The following MFHAS1 variants were observed in gnomAD, a reference collection of about 807,000 sequenced individuals.
MFHAS1 encodes the protein malignant fibrous histiocytoma-amplified sequence 1.
MFHAS1 carries 50 observed loss-of-function variants against 70.4 expected under a neutral mutation model. The observed-to-expected ratio is 0.71, with a 90% CI of 0.57 to 0.90. The LOEUF is 0.90. Ranked by LOEUF, MFHAS1 falls within the 40% of genes least tolerant of loss-of-function variation. MFHAS1 has a pLI of 0.00. For missense variants in MFHAS1, 1,795 were observed against 1,347.6 expected (o/e 1.33, Z -5.20); for synonymous variants, 952 against 620.0 (o/e 1.54, Z -7.96).
chr8:8,871,551 A>T (rs1383305577), intron 1 of MFHAS1, among the ~76,000 whole-genome samples: 1 of 152,202 alleles, frequency 6.6e-6, no homozygotes, highest in African/African-American at 2.4e-5. Flanking sequence ...ACAAACACGC[A>T]AACAAAGAAA....
intron 1 of MFHAS1, among the ~76,000 whole-genome samples, chr8:8,861,717 A>AC (rs1274554671): frequency 6.6e-6 from 1 of 152,168 alleles, no homozygotes; most frequent in Non-Finnish European, 1.5e-5. Flanking sequence ...GTTCTCTTGT[A>AC]CCCCTCTGCA....
intron 2 of MFHAS1, among the ~76,000 whole-genome samples, chr8:8,793,122 C>T (rs1215542983): frequency 1.3e-5 from 2 of 151,996 alleles, no homozygotes; most frequent in Admixed American, 1.3e-4. Context: ...CTGGTGGAGA[C>T]CTCAACCACC....
At position 8,786,004 on chromosome 8, in the gene MFHAS1, A is replaced by C. The variant is rs770432854; in HGVS notation, c.*18T>G. 9.9e-6 allele frequency: 16 copies of C among 1,613,982 alleles called. No individual in the cohort carries two copies. In the East Asian group the frequency reaches 3.6e-4, roughly 36 times the overall value. ...CAGATGCTCTCTTTTCTCCATGGAA[A>C]TTCCACAGCCACAAACGTCACTGGT... On this transcript the variant is annotated 3_prime_UTR_variant, in exon 3 of 3. Transcript: ENST00000276282.
At chr8:8,859,412 C>A (rs543180246) in intron 1 of MFHAS1, among the ~76,000 whole-genome samples, 22 of 152,322 alleles carry the variant, frequency 1.4e-4, no homozygotes, top group Middle Eastern at 3.4e-3. Context: ...TTCTCATACA[C>A]TAAGATACTT....
At chr8:8,835,134 T>C (rs928093779) in intron 1 of MFHAS1, among the ~76,000 whole-genome samples, 1 of 151,894 alleles carries the variant, frequency 6.6e-6, no homozygotes, top group Non-Finnish European at 1.5e-5. Context: ...AGCAGATGAG[T>C]GGTTGTTCGA....
Position 8,820,513 on chromosome 8 carries a change from C to A in MFHAS1, c.2999-23022G>T, listed in dbSNP as rs181461266. Among the ~76,000 whole-genome samples, 12 of 152,296 alleles carry A rather than the reference C, an allele frequency of 7.9e-5. No homozygotes were observed. In the East Asian group the frequency reaches 2.3e-3, roughly 29 times the overall value. The stretch of plus-strand genomic sequence containing the variant: ...CACTTGATCTCAATGTCTTTCTCTT[C>A]CCCACCCTGCCCCTCCACCCGTGCT... On this transcript the variant is annotated intron_variant, in intron 1 of 2. Transcript: ENST00000276282.
chr8:8,824,880 A>G (rs1435816764), intron 1 of MFHAS1, among the ~76,000 whole-genome samples: 1 of 152,220 alleles, frequency 6.6e-6, no homozygotes, highest in Non-Finnish European at 1.5e-5. Context: ...ACCCTGGAGG[A>G]AGGCTGCGCT....
intron 1 of MFHAS1, among the ~76,000 whole-genome samples, chr8:8,889,441 A>G (rs142683545): frequency 4.1e-4 from 62 of 152,312 alleles, no homozygotes; most frequent in African/African-American, 1.5e-3. Flanking sequence ...TTCTTAAGAA[A>G]AGTGAGCAGT....
chr8:8,873,756 G>A (rs923507291), intron 1 of MFHAS1, among the ~76,000 whole-genome samples: 3 of 152,094 alleles, frequency 2.0e-5, no homozygotes, highest in African/African-American at 4.8e-5. Context: ...AAAACAGATG[G>A]GACAGAAAGG....
chr8:8,859,109 T>C (rs552834354), intron 1 of MFHAS1, among the ~76,000 whole-genome samples: 2 of 152,140 alleles, frequency 1.3e-5, no homozygotes, highest in East Asian at 3.9e-4. Context: ...TCCCAAAACT[T>C]TGGGAGGCTG....
intron 1 of MFHAS1, among the ~76,000 whole-genome samples, chr8:8,846,328 A>AGTAGGAGGG (rs1808036792): frequency 2.8e-5 from 2 of 70,246 alleles, no homozygotes; most frequent in East Asian, 4.9e-4. Flanking sequence ...GAGAAGGAGG[A>AGTAGGAGGG]GTAGGAGGGG....
intron 1 of MFHAS1, among the ~76,000 whole-genome samples, chr8:8,813,084 C>T (rs1281569204): frequency 2.6e-5 from 4 of 152,070 alleles, no homozygotes; most frequent in Admixed American, 6.5e-5. Context: ...AATGACTTTT[C>T]GAGCAATGGT....
Position 8,785,380 on chromosome 8 carries a change from C to T in MFHAS1, c.*642G>A, listed in dbSNP as rs964224640. The T allele has an allele frequency of 3.8e-5, 2 of 52,834 alleles. No individual in the cohort carries two copies. The highest frequency in any genetic ancestry group is 9.9e-5 in the African/African-American group (2 of 20,158). 3.3% of individuals were successfully genotyped at this position (52,834 alleles called of 1,614,324 possible). On this transcript the variant is annotated 3_prime_UTR_variant, in exon 3 of 3. Coordinates refer to ENST00000276282, the MANE Select transcript of MFHAS1 (RefSeq NM_004225.3). ...AACCAACACTTAATCCATGGGCTAA[C>T]AGAGAGATTTTTTTTTTAATGTGAA...
Position 8,892,882 on chromosome 8 carries a change from C to A in MFHAS1, c.177G>T (p.Pro59=). The A allele has an allele frequency of 6.3e-7, 1 of 1,584,436 alleles. No homozygotes were observed. The highest frequency in any genetic ancestry group is 8.6e-7 in the Non-Finnish European group (1 of 1,167,466). ...GTGCCTCAATGTCCCCGAGGTTGGCCGGCAGCACGAGCTGGGGGGAGGCGG... is the reference window on the plus strand; with the variant it reads ...GTGCCTCAATGTCCCCGAGGTTGGCAGGCAGCACGAGCTGGGGGGAGGCGG... ...ESPASPQLVL[P]ANLGDIEALN... The change falls in exon 1 of 3, where the codon CCG becomes CCT. Residue 59 remains proline, a synonymous_variant. Coordinates refer to ENST00000276282, the MANE Select transcript of MFHAS1 (RefSeq NM_004225.3). The surrounding 1 kb of genome is among the most constrained non-coding windows in gnomAD (Gnocchi z 4.7).
In MFHAS1 at chr8:8,892,908, G is replaced by A. The variant is rs1299952695; in HGVS notation, c.151C>T (p.Pro51Ser). Residue 51 changes from proline to serine, a missense_variant, in exon 1 of 3, where the codon CCC becomes TCC. By Grantham distance (74) the Pro-to-Ser change is moderately conservative. Transcript: ENST00000276282. This position sits in a 1 kb window ranked among gnomAD's most constrained non-coding sequence, Gnocchi z 4.7. ...PGAGADALES[P>S]ASPQLVLPAN... ...GGCAGCACGAGCTGGGGGGAGGCGG[G>A]GGACTCGAGCGCGTCGGCCCCGGCC... is the stretch of plus-strand genomic sequence containing the variant. 4 of 1,567,960 alleles carry A rather than the reference G, an allele frequency of 2.6e-6. No homozygotes were observed. Among genetic ancestry groups the A allele is most frequent in the African/African-American group, 1.4e-5 (1 of 72,126 alleles).
chr8:8,861,342 C>G (rs1314626746), intron 1 of MFHAS1, among the ~76,000 whole-genome samples: 1 of 152,122 alleles, frequency 6.6e-6, no homozygotes, highest in African/African-American at 2.4e-5. Context: ...TTTTGTAGGT[C>G]AAGAATGATT....
chr8:8,791,711 CG>C (rs2117246998), intron 2 of MFHAS1, among the ~76,000 whole-genome samples: 1 of 152,286 alleles, frequency 6.6e-6, no homozygotes, highest in East Asian at 1.9e-4. Flanking sequence ...ACCTTGCCCA[CG>C]GGAAGTATAG....
chr8:8,855,394 T>C (rs529621256), intron 1 of MFHAS1, among the ~76,000 whole-genome samples: 11 of 152,356 alleles, frequency 7.2e-5, no homozygotes, highest in South Asian at 4.1e-4. Flanking sequence ...CAATGGAGGA[T>C]TGGAGGCGCT....
chr8:8,813,654 T>C (rs929681336), intron 1 of MFHAS1, among the ~76,000 whole-genome samples: 3 of 152,182 alleles, frequency 2.0e-5, no homozygotes, highest in African/African-American at 7.2e-5. Flanking sequence ...TGTACAGCTG[T>C]ACAATGTTTG....
Sources: allele counts gnomAD v4.1 joint callset (sites outside exome capture counted in the v4.1 genomes callset), GRCh38; gene constraint gnomAD v4.1.1; non-coding constraint Gnocchi (gnomAD v3.1); transcripts MANE v1.5; gene names NCBI Gene and HGNC (gene_info 2026-07-23, HGNC 2026-07-21).